Variants in ACOX3 observed in about 807,000 individuals in gnomAD.
ACOX3 encodes the protein acyl-CoA oxidase 3, pristanoyl.
A neutral mutation model predicts 81.5 loss-of-function variants in ACOX3; 73 were observed. The ratio of observed to expected loss-of-function variants is 0.90; its 90% confidence interval spans 0.74 to 1.09. The LOEUF is 1.09. ACOX3 is among the 50% of genes least tolerant of loss of function. The probability of loss-of-function intolerance (pLI) is 0.00; values close to 1 mark genes in which losing one functional copy is unlikely to be tolerated. For synonymous variants in ACOX3, 387 were observed against 375.1 expected, an observed-to-expected ratio of 1.03 and a Z score of -0.37; for missense variants, 947 against 928.0, an observed-to-expected ratio of 1.02 and a Z score of -0.27.
chr4:8,422,426 A>T lies in ACOX3; in HGVS notation c.-14-5891T>A, dbSNP rs201130815. Among the ~76,000 whole-genome samples, 3 of 152,234 alleles carry T rather than the reference A, an allele frequency of 2.0e-5. No individual in the cohort carries two copies. In the East Asian group the frequency reaches 5.8e-4, roughly 29 times the overall value. On this transcript the variant is annotated intron_variant, in intron 1 of 17. Coordinates refer to ENST00000356406, the MANE Select transcript of ACOX3 (RefSeq NM_003501.3). ...TGCAAACATTAGGAAAAAAACTTCA[A>T]AAGTCCACCTTAGGCCCAGAGCAAA...
In ACOX3 at chr4:8,399,335, C is replaced by T. The variant is rs868854901; in HGVS notation, c.873+221G>A. ...CGATGGGGAGTGGGCATTGTAAGGC[C>T]CGGACTCACCCCCTGGACACCAGCA... On this transcript the variant is annotated intron_variant, in intron 8 of 17. Transcript: ENST00000356406. This position sits in a 1 kb window ranked among gnomAD's most constrained non-coding sequence, Gnocchi z 4.9. Among the ~76,000 whole-genome samples, 1 of 152,190 alleles carries T rather than the reference C, an allele frequency of 6.6e-6. No individual in the cohort carries two copies.
intron 17 of ACOX3, among the ~76,000 whole-genome samples, chr4:8,369,140 G>A (rs1053372468): frequency 6.6e-6 from 1 of 152,144 alleles, no homozygotes; most frequent in Non-Finnish European, 1.5e-5. Flanking sequence ...TGCAGAGCAA[G>A]GCACAGCAGG....
At chr4:8,388,241 A>G (rs1457170151) in intron 13 of ACOX3, among the ~76,000 whole-genome samples, 1 of 152,214 alleles carries the variant, frequency 6.6e-6, no homozygotes, top group Non-Finnish European at 1.5e-5. Context: ...ACCAGCCAGG[A>G]TCACTGCTTT....
chr4:8,426,946 T>G (rs577677725), intron 1 of ACOX3, among the ~76,000 whole-genome samples: 86 of 152,166 alleles, frequency 5.7e-4, no homozygotes, highest in African/African-American at 2.0e-3. Flanking sequence ...ACGCCCCAAT[T>G]CAGCAGGAAG....
intron 16 of ACOX3, 94 bp from the exon 17 acceptor site, chr4:8,371,088 C>T (rs1342383272): frequency 1.7e-6 from 2 of 1,171,890 alleles, no homozygotes; most frequent in African/African-American, 1.5e-5. Flanking sequence ...CCAGGACCCA[C>T]TAGCAACGGG....
chr4:8,370,819 C>G lies in ACOX3; in HGVS notation c.1983+89G>C. 1 of 1,283,940 alleles carries G rather than the reference C, an allele frequency of 7.8e-7. No homozygotes were observed. The highest frequency in any genetic ancestry group is 1.7e-5 in the Admixed American group (1 of 57,242). The allele number at this position is 1,283,940 out of a possible 1,614,324, so 79.5% of individuals were successfully genotyped here. ...TGTGTGACCACTTTCCAGAAGACAC[C>G]AGACCCCTGACCCACAGGAGCATCT... is the stretch of plus-strand genomic sequence containing the variant. On this transcript the variant is annotated intron_variant, in intron 17 of 17. Transcript: ENST00000356406. This position sits in a 1 kb window ranked among gnomAD's most constrained non-coding sequence, Gnocchi z 6.3.
chr4:8,382,064 C>G lies in ACOX3; in HGVS notation c.1538-457G>C, dbSNP rs897326922. Among the ~76,000 whole-genome samples, 2 of 152,214 alleles carry G rather than the reference C, an allele frequency of 1.3e-5. No homozygotes were observed. The highest frequency in any genetic ancestry group is 4.8e-5 in the African/African-American group (2 of 41,454). On this transcript the variant is annotated intron_variant, in intron 13 of 17. Transcript: ENST00000356406. The surrounding 1 kb of genome is among the most constrained non-coding windows in gnomAD (Gnocchi z 4.1). ...GAGAGGAAGGGGTGCTTCCGTTCGC[C>G]TCCCCCTGCCTGGCCCTTGGACCTC... is the stretch of plus-strand genomic sequence containing the variant.
At chr4:8,427,238 G>C (rs1036562389) in intron 1 of ACOX3, among the ~76,000 whole-genome samples, 1 of 152,208 alleles carries the variant, frequency 6.6e-6, no homozygotes, top group East Asian at 1.9e-4. Flanking sequence ...CAGGGGGAGG[G>C]ACAATGATCA....
chr4:8,384,517 C>A lies in ACOX3; in HGVS notation c.1538-2910G>T, dbSNP rs771385106. Among the ~76,000 whole-genome samples the A allele has an allele frequency of 2.6e-4, 40 of 152,206 alleles. No individual in the cohort carries two copies. The highest frequency in any genetic ancestry group is 5.1e-4 in the Non-Finnish European group (35 of 68,034). On this transcript the variant is annotated intron_variant, in intron 13 of 17. Coordinates refer to ENST00000356406, the MANE Select transcript of ACOX3 (RefSeq NM_003501.3). This position sits in a 1 kb window ranked among gnomAD's most constrained non-coding sequence, Gnocchi z 5.3. ...GTCAACAACCTCTGTCCTCAAGACT[C>A]TCCCAGAATCCTGGGTCACCACGGC...
At chr4:8,391,477 T>A (rs575392581) in intron 11 of ACOX3, among the ~76,000 whole-genome samples, 1 of 152,240 alleles carries the variant, frequency 6.6e-6, no homozygotes, top group African/African-American at 2.4e-5. Context: ...AGTGTGTACA[T>A]GGCCTTCTTT....
Position 8,389,666 on chromosome 4 carries a change from G to A in ACOX3, c.1369C>T (p.Leu457=), listed in dbSNP as rs377178118. 2 of 1,614,072 alleles carry A rather than the reference G, an allele frequency of 1.2e-6. No homozygotes were observed. Among genetic ancestry groups the A allele is most frequent in the Non-Finnish European group, 1.7e-6 (2 of 1,179,990 alleles). ...NCTYEGDNNI[L]LQQTSNYLLG... ...AAATAGTTGCTTGTCTGCTGCAGCA[G>A]GATGTTGTTGTCACCTTCGTATGTG... The change falls in exon 12 of 18, where the codon CTG becomes TTG. Residue 457 remains leucine (L), a synonymous_variant. Coordinates refer to ENST00000356406, the MANE Select transcript of ACOX3 (RefSeq NM_003501.3). The surrounding 1 kb of genome is among the most constrained non-coding windows in gnomAD (Gnocchi z 5.3).
At chr4:8,413,266 ACAGCAC>A (rs1721956584) in intron 5 of ACOX3, among the ~76,000 whole-genome samples, 5 of 28,546 alleles carry the variant, frequency 1.8e-4, no homozygotes, top group African/African-American at 5.9e-4. Context: ...GCACCCCTCC[ACAGCAC>A]TGACAGCCCC....
In ACOX3 at chr4:8,437,882, C is replaced by T. The variant is rs190949664; in HGVS notation, c.-15+2766G>A. 6.6e-6 allele frequency among the ~76,000 whole-genome samples: 1 copy of T among 152,326 alleles called. No homozygotes were observed. The highest frequency in any genetic ancestry group is 1.9e-4 in the East Asian group (1 of 5,180). ...GTAAAGACTAGGGCAGACTAGGCAC[C>T]TTCTTATTAGGCTCCCAGGAGCCCA... On this transcript the variant is annotated intron_variant, in intron 1 of 17. Coordinates refer to ENST00000356406, the MANE Select transcript of ACOX3 (RefSeq NM_003501.3). The surrounding 1 kb of genome is among the most constrained non-coding windows in gnomAD (Gnocchi z 5.2).
chr4:8,433,596 G>A lies in ACOX3; in HGVS notation c.-15+7052C>T, dbSNP rs181537835. 8.7e-4 allele frequency among the ~76,000 whole-genome samples: 132 copies of A among 152,352 alleles called. 1 individual carries two copies. The highest frequency in any genetic ancestry group is 3.1e-3 in the African/African-American group (130 of 41,588). ...GTGATCAAACACTGAATGGGCTAGG[G>A]TGAGCCAGTGTGTCTGGGAGGATAC... is the stretch of plus-strand genomic sequence containing the variant. On this transcript the variant is annotated intron_variant, in intron 1 of 17. Coordinates refer to ENST00000356406, the MANE Select transcript of ACOX3 (RefSeq NM_003501.3).
rs1357316626 is a variant in ACOX3, at chr4:8,414,272, CG to C, written c.543+19del. The C allele has an allele frequency of 2.5e-6, 4 of 1,604,762 alleles. No homozygotes were observed. Among genetic ancestry groups the C allele is most frequent in the Non-Finnish European group, 3.4e-6 (4 of 1,171,794 alleles). ...CTCATATGCTCCAAACTCAGGGACC[CG>C]GGGGAAGGTAATACCTACCTCAGTG... On this transcript the variant is annotated intron_variant, in intron 5 of 17. Transcript: ENST00000356406. This position sits in a 1 kb window ranked among gnomAD's most constrained non-coding sequence, Gnocchi z 6.1.
rs903397336 is a variant in ACOX3, at chr4:8,397,842, A to T, written c.874-723T>A. Among the ~76,000 whole-genome samples the T allele has an allele frequency of 8.5e-5, 13 of 152,256 alleles. 1 individual carries two copies. The highest frequency in any genetic ancestry group is 1.6e-4 in the Non-Finnish European group (11 of 68,052). On this transcript the variant is annotated intron_variant, in intron 8 of 17. Transcript: ENST00000356406. Reference sequence around the variant, plus strand: ...GAGCGTATTAATCACACTCTCACATAGGAATCACAGTCTCGTTGTGTTTAA... The same window carrying T: ...GAGCGTATTAATCACACTCTCACATTGGAATCACAGTCTCGTTGTGTTTAA...
chr4:8,375,590 T>C (rs774019738), intron 14 of ACOX3, among the ~76,000 whole-genome samples: 14 of 152,188 alleles, frequency 9.2e-5, no homozygotes, highest in Non-Finnish European at 1.9e-4. Flanking sequence ...GGCTCCTCCC[T>C]GAGCTCAGAA....
At chr4:8,388,791 T>C (rs969400018) in intron 13 of ACOX3, among the ~76,000 whole-genome samples, 3 of 152,104 alleles carry the variant, frequency 2.0e-5, no homozygotes, top group Non-Finnish European at 4.4e-5. Context: ...TGGGGAAGAC[T>C]GACAGGTGAG....
chr4:8,408,891 T>TGGCGGGGGGG (rs1560193586), intron 6 of ACOX3, among the ~76,000 whole-genome samples: 2 of 25,790 alleles, frequency 7.8e-5, no homozygotes, highest in Non-Finnish European at 1.2e-4. Flanking sequence ...GAGCCCTCAC[T>TGGCGGGGGGG]GGGGGGGGGG....
Sources: gnomAD v4.1 joint callset for allele counts (sites outside exome capture counted in the v4.1 genomes callset) on GRCh38, gnomAD v4.1.1 for gene constraint, Gnocchi (gnomAD v3.1) non-coding constraint, MANE v1.5 for transcripts, NCBI Gene and HGNC (gene_info 2026-07-23, HGNC 2026-07-21) for gene names.